The following LETMD1 variants were observed in gnomAD, a reference collection of about 807,000 sequenced individuals.
LETMD1 encodes the protein LETM1 domain-containing protein 1.
In LETMD1, 30 loss-of-function variants were observed where a neutral mutation model predicts 43.9. The ratio of observed to expected loss-of-function variants is 0.68; its 90% CI spans 0.51 to 0.93. The LOEUF (loss-of-function observed/expected upper bound fraction) is 0.93, where lower values mean the gene tolerates loss of function less well. LETMD1 is among the 40% of genes least tolerant of loss of function. The pLI is 0.00. For synonymous variants in LETMD1, 176 were observed against 163.1 expected, an observed-to-expected ratio of 1.08 and a Z score of -0.60; for missense variants, 413 against 447.7, an observed-to-expected ratio of 0.92 and a Z score of 0.70.
At chr12:51,055,793 GC>G (rs774744026) in intron 4 of LETMD1, 41 bp from the exon 5 acceptor site, 44 of 1,464,210 alleles carry the variant, frequency 3.0e-5, no homozygotes, top group Non-Finnish European at 4.0e-5. Context: ...TCTGAAAGAA[GC>G]CAGTTTCAGC....
downstream of LETMD1, chr12:51,064,679 GACA>G (rs779342595): frequency 6.7e-7 from 1 of 1,503,602 alleles, no homozygotes; most frequent in Admixed American, 2.3e-5. Context: ...CCTGAGCGGG[GACA>G]AGAAGGTTGG....
the LETMD1 span, among the ~76,000 whole-genome samples, chr12:51,065,969 T>G: frequency 6.6e-6 from 1 of 152,222 alleles, no homozygotes; most frequent in Non-Finnish European, 1.5e-5. Flanking sequence ...AATTTCATTC[T>G]TAGGGATGGT....
At chr12:51,048,622 G>A in intron 1 of LETMD1, 144 bp downstream of exon 1, 1 of 1,042,276 alleles carries the variant, frequency 9.6e-7, no homozygotes, top group Non-Finnish European at 1.4e-6. Flanking sequence ...TTCAAACTCC[G>A]ATCCCCACTA....
At chr12:51,050,923 G>A (rs1389701688) in intron 2 of LETMD1, among the ~76,000 whole-genome samples, 1 of 151,564 alleles carries the variant, frequency 6.6e-6, no homozygotes, top group Non-Finnish European at 1.5e-5. Context: ...TGAGGCAGGA[G>A]AATCTCTTGA....
At chr12:51,067,555 G>C in the LETMD1 span, 1 of 923,124 alleles carries the variant, frequency 1.1e-6, no homozygotes, top group South Asian at 1.6e-5. This position sits in a 1 kb window ranked among gnomAD's most constrained non-coding sequence, Gnocchi z 4.1. Context: ...TGGAACTGGA[G>C]AGTGTTCACA....
the LETMD1 span, among the ~76,000 whole-genome samples, chr12:51,066,334 T>C: frequency 6.6e-6 from 1 of 151,238 alleles, no homozygotes; most frequent in Non-Finnish European, 1.5e-5. Flanking sequence ...GTGCCTATAG[T>C]CCCAGCTACT....
chr12:51,059,332 A>G (rs1182311038), intron 8 of LETMD1, 29 bp from the exon 9 acceptor site: 5 of 1,609,892 alleles, frequency 3.1e-6, no homozygotes, highest in Non-Finnish European at 4.3e-6. Flanking sequence ...CAGTGTTCCC[A>G]AGCCAAACCA....
chr12:51,065,326 T>C (rs1938055546), downstream of LETMD1, among the ~76,000 whole-genome samples: 3 of 152,274 alleles, frequency 2.0e-5, no homozygotes, highest in South Asian at 6.2e-4. Context: ...ACCAGGAATA[T>C]CTGGAAAGGA....
downstream of LETMD1, chr12:51,063,547 G>C: frequency 2.3e-6 from 1 of 432,642 alleles, no homozygotes; most frequent in Non-Finnish European, 4.1e-6. Flanking sequence ...ACTATCCCCA[G>C]ATCAAGGTAG....
chr12:51,053,384 T>G (rs1225802920), intron 3 of LETMD1, among the ~76,000 whole-genome samples: 1 of 152,208 alleles, frequency 6.6e-6, no homozygotes. Context: ...TGCTCATGCC[T>G]GTAATCCTAG....
chr12:51,064,172 A>G, downstream of LETMD1: 1 of 1,614,110 alleles, frequency 6.2e-7, no homozygotes, highest in East Asian at 2.2e-5. Flanking sequence ...CCGTTGAGGC[A>G]GTTGGGTGGT....
downstream of LETMD1, chr12:51,063,664 C>T: frequency 9.1e-7 from 1 of 1,098,400 alleles, no homozygotes; most frequent in African/African-American, 1.6e-5. Context: ...GCAGCTGCTT[C>T]TACAGTTTTG....
At position 51,052,072 on chromosome 12, in the gene LETMD1, C is replaced by G; in HGVS notation, c.275-20C>G. The G allele has an allele frequency of 6.2e-7, 1 of 1,609,634 alleles. No homozygotes were observed. Among genetic ancestry groups the G allele is most frequent in the Non-Finnish European group, 8.5e-7 (1 of 1,177,338 alleles). On this transcript the variant is annotated intron_variant, in intron 2 of 8. Coordinates refer to ENST00000262055, the MANE Select transcript of LETMD1 (RefSeq NM_015416.5). Reference sequence around the variant, plus strand: ...AAACTGGGATAACATCACACTCTGTCCTCTACTTTAATGAGGCAGGATTGC... The same window carrying G: ...AAACTGGGATAACATCACACTCTGTGCTCTACTTTAATGAGGCAGGATTGC...
upstream of LETMD1, chr12:51,048,240 A>G (rs781446029): frequency 2.2e-6 from 3 of 1,344,140 alleles, no homozygotes; most frequent in East Asian, 4.6e-5. Context: ...GGAGCCAAGC[A>G]GGCTATGGCT....
At chr12:51,066,697 G>T in the LETMD1 span, among the ~76,000 whole-genome samples, 1 of 151,980 alleles carries the variant, frequency 6.6e-6, no homozygotes, top group Non-Finnish European at 1.5e-5. Flanking sequence ...GATAACTATG[G>T]TTTTAAGCTC....
intron 2 of LETMD1, among the ~76,000 whole-genome samples, chr12:51,051,014 CAAAA>C (rs1182336716): frequency 8.4e-6 from 1 of 119,098 alleles, no homozygotes; most frequent in Non-Finnish European, 1.8e-5. Flanking sequence ...ACTCCCATCT[CAAAA>C]AAAAAAAGAA....
intron 4 of LETMD1, among the ~76,000 whole-genome samples, chr12:51,054,295 C>G (rs1947000610): frequency 6.6e-6 from 1 of 152,206 alleles, no homozygotes; most frequent in African/African-American, 2.4e-5. Context: ...TAACAAATAA[C>G]TTCAAAGCTT....
rs375548551 is a variant in LETMD1, at chr12:51,059,095, C to T, written c.1013-266C>T. On this transcript the variant is annotated intron_variant, in intron 8 of 8. Transcript: ENST00000262055. ...AACTTCTACCAGAAGAATCCCAACG[C>T]GACTGGTGTTTAGTACCATTACCAT... 310 of 423,848 alleles carry T rather than the reference C, an allele frequency of 7.3e-4. 4 individuals carry two copies. Among genetic ancestry groups the T allele is most frequent in the South Asian group, 7.2e-3 (295 of 40,998 alleles). The allele number at this position is 423,848 out of a possible 1,614,324, so 26.3% of individuals were successfully genotyped here.
At chr12:51,061,338 C>T (rs1434447220), downstream of LETMD1, 2 of 152,512 alleles carry the variant, frequency 1.3e-5, no homozygotes, top group Non-Finnish European at 2.9e-5. Flanking sequence ...ATTGAAAATA[C>T]TACCTGTGTA....
Sources: gnomAD v4.1 joint callset for allele counts (sites outside exome capture counted in the v4.1 genomes callset) on GRCh38, gnomAD v4.1.1 for gene constraint, Gnocchi (gnomAD v3.1) non-coding constraint, MANE v1.5 for transcripts, NCBI Gene and HGNC (gene_info 2026-07-23, HGNC 2026-07-21) for gene names.